Variants in GPR107 observed in about 807,000 individuals in gnomAD.
GPR107 encodes G protein-coupled receptor 107, also known as protein GPR107.
Under a neutral mutation model 75.5 loss-of-function variants are expected in GPR107, and 31 were observed. The observed-to-expected ratio is 0.41, with a 90% CI of 0.31 to 0.55. GPR107 has a LOEUF of 0.55. Among genes scored for constraint, GPR107 ranks in the 20% least tolerant of loss-of-function variants. The probability of loss-of-function intolerance (pLI) is 0.26; values close to 1 mark genes in which losing one functional copy is unlikely to be tolerated. For synonymous variants in GPR107, 267 were observed against 251.3 expected, an observed-to-expected ratio of 1.06 and a Z score of -0.59; for missense variants, 572 against 665.7, an observed-to-expected ratio of 0.86 and a Z score of 1.55.
chr9:130,099,013 CA>C (rs34789609), intron 9 of GPR107, among the ~76,000 whole-genome samples: 21 of 147,158 alleles, frequency 1.4e-4, no homozygotes, highest in Middle Eastern at 3.5e-3. Context: ...ACTCTTGTCT[CA>C]AAAAAAAAAA....
intron 12 of GPR107, among the ~76,000 whole-genome samples, chr9:130,104,061 CT>C (rs528516465): frequency 3.3e-4 from 50 of 152,256 alleles, no homozygotes; most frequent in Middle Eastern, 3.4e-3. Flanking sequence ...CTTTCCATCT[CT>C]GCATGGTCTG....
chr9:130,060,126 G>A (rs1332817239), intron 1 of GPR107, among the ~76,000 whole-genome samples: 4 of 145,470 alleles, frequency 2.7e-5, no homozygotes, highest in African/African-American at 7.7e-5. Flanking sequence ...GCAGTGGCGC[G>A]ATCTCGGCTC....
At chr9:130,107,181 G>A (rs995531260) in intron 13 of GPR107, among the ~76,000 whole-genome samples, 2 of 152,192 alleles carry the variant, frequency 1.3e-5, no homozygotes, top group African/African-American at 2.4e-5. Flanking sequence ...TCATGGGAGT[G>A]TTGGGTAGGG....
At chr9:130,060,018 G>T (rs1042153239) in intron 1 of GPR107, among the ~76,000 whole-genome samples, 3 of 152,040 alleles carry the variant, frequency 2.0e-5, no homozygotes, top group African/African-American at 7.2e-5. Context: ...AGGATTACAG[G>T]CATGAGCCAC....
chr9:130,095,181 C>T (rs947763720), intron 9 of GPR107, among the ~76,000 whole-genome samples: 1 of 152,018 alleles, frequency 6.6e-6, no homozygotes. Flanking sequence ...ACTCTGCCTT[C>T]CTGTAAGAGT....
intron 9 of GPR107, among the ~76,000 whole-genome samples, chr9:130,093,005 GTA>G (rs58153965): frequency 0.011 from 1,653 of 152,278 alleles, 32 homozygotes; most frequent in African/African-American, 0.038. Flanking sequence ...AGGACTGAGA[GTA>G]AACACATGGG....
chr9:130,104,663 C>A, intron 13 of GPR107, 113 bp downstream of exon 13: 1 of 884,162 alleles, frequency 1.1e-6, no homozygotes, highest in Non-Finnish European at 1.8e-6. Context: ...TTTAAAAGTA[C>A]AGCTTTCTGA....
chr9:130,106,023 C>T (rs749522115), intron 13 of GPR107, among the ~76,000 whole-genome samples: 3 of 152,220 alleles, frequency 2.0e-5, no homozygotes, highest in East Asian at 3.9e-4. Context: ...ATTAGTCACT[C>T]GGGTATCTAA....
intron 14 of GPR107, among the ~76,000 whole-genome samples, chr9:130,120,218 G>A (rs1338436243): frequency 1.3e-5 from 2 of 152,178 alleles, no homozygotes; most frequent in African/African-American, 4.8e-5. Flanking sequence ...TAGCATCTGC[G>A]CCGTGGTGAT....
chr9:130,058,164 C>T (rs2132529332), intron 1 of GPR107, among the ~76,000 whole-genome samples: 1 of 152,142 alleles, frequency 6.6e-6, no homozygotes, highest in South Asian at 2.1e-4. Flanking sequence ...AAAGACCTGT[C>T]AGCAGGAAAT....
intron 11 of GPR107, 83 bp downstream of exon 11, chr9:130,100,785 C>A: frequency 1.0e-6 from 1 of 957,210 alleles, no homozygotes; most frequent in Non-Finnish European, 1.7e-6. Context: ...CCCAAGTTAA[C>A]CAGCCCTGCC....
intron 6 of GPR107, 50 bp downstream of exon 6, chr9:130,083,652 C>A: frequency 8.9e-7 from 1 of 1,126,992 alleles, no homozygotes; most frequent in Non-Finnish European, 1.2e-6. Flanking sequence ...TATGTGTGTA[C>A]GTGTGTGTGT....
intron 7 of GPR107, among the ~76,000 whole-genome samples, chr9:130,089,977 C>A (rs1830697140): frequency 6.6e-6 from 1 of 152,036 alleles, no homozygotes; most frequent in African/African-American, 2.4e-5. Flanking sequence ...GATCCACCAC[C>A]CAGGACAAGA....
At chr9:130,076,225 T>A (rs1830346039) in intron 2 of GPR107, among the ~76,000 whole-genome samples, 187 bp from the exon 3 acceptor site, 1 of 152,236 alleles carries the variant, frequency 6.6e-6, no homozygotes, top group South Asian at 2.1e-4. Flanking sequence ...ACACTTAAAA[T>A]GTAATTCTGT....
intron 14 of GPR107, 135 bp from the exon 15 acceptor site, chr9:130,124,780 G>A (rs1273828047): frequency 1.6e-6 from 1 of 615,980 alleles, no homozygotes; most frequent in East Asian, 3.1e-5. Context: ...CTTGATTCCA[G>A]ATAGATGGAT....
At chr9:130,092,997 G>A (rs1251066802) in intron 9 of GPR107, among the ~76,000 whole-genome samples, 2 of 152,154 alleles carry the variant, frequency 1.3e-5, no homozygotes, top group East Asian at 3.9e-4. Flanking sequence ...CACAGTCCAG[G>A]ACTGAGAGTA....
chr9:130,093,321 A>G (rs1830785868), intron 9 of GPR107, among the ~76,000 whole-genome samples: 1 of 152,238 alleles, frequency 6.6e-6, no homozygotes, highest in South Asian at 2.1e-4. Context: ...ACAAAATATT[A>G]ATATTCATTT....
Position 130,100,709 on chromosome 9 carries a change from A to C in GPR107, c.1013+7A>C, listed in dbSNP as rs369058019. ...TGTACTACATAACTCACCTGTAAGT[A>C]TGCAGGTCCATGTGAAATACACCAT... is the stretch of plus-strand genomic sequence containing the variant. On this transcript the variant is annotated splice_region_variant and intron_variant, in intron 11 of 17. Transcript: ENST00000347136. 50 of 1,577,134 alleles carry C rather than the reference A, an allele frequency of 3.2e-5. No individual in the cohort carries two copies. Among genetic ancestry groups the C allele is most frequent in the Non-Finnish European group, 2.4e-5 (27 of 1,146,330 alleles).
chr9:130,087,422 C>T (rs906664214), intron 7 of GPR107, among the ~76,000 whole-genome samples: 2 of 151,880 alleles, frequency 1.3e-5, no homozygotes, highest in African/African-American at 4.8e-5. Context: ...TATCCCAGCA[C>T]TTTGGAAGGC....
Sources: gnomAD v4.1 joint callset for allele counts (sites outside exome capture counted in the v4.1 genomes callset) on GRCh38, gnomAD v4.1.1 for gene constraint, MANE v1.5 for transcripts, NCBI Gene and HGNC (gene_info 2026-07-23, HGNC 2026-07-21) for gene names.